The following MACO1 variants were observed in gnomAD, a reference collection of about 807,000 sequenced individuals.
MACO1 encodes macoilin 1, also known as macoilin.
In MACO1, 14 loss-of-function variants were observed where a neutral mutation model predicts 78.7. The observed-to-expected ratio is 0.18, with a 90% CI of 0.12 to 0.28. The LOEUF (loss-of-function observed/expected upper bound fraction) is 0.28. MACO1 is among the 10% of genes least tolerant of loss of function. MACO1 has a pLI of 1.00. For missense variants in MACO1, 501 were observed against 799.0 expected, an observed-to-expected ratio of 0.63 and a Z score of 4.50; for synonymous variants, 288 against 291.6, an observed-to-expected ratio of 0.99 and a Z score of 0.12.
chr1:25,458,640 A>G lies in MACO1; in HGVS notation c.902A>G (p.Asp301Gly), dbSNP rs760268186. 1.1e-5 allele frequency: 17 copies of G among 1,614,016 alleles called. No individual in the cohort carries two copies. Among genetic ancestry groups the G allele is most frequent in the Non-Finnish European group, 1.4e-5 (16 of 1,180,020 alleles). ...ATCAATAGTAAAAGATTAAATAATGATCTTGTGGGAAGTACAGAAAATCTC... is the reference window on the plus strand; with the variant it reads ...ATCAATAGTAAAAGATTAAATAATGGTCTTGTGGGAAGTACAGAAAATCTC... ...NHINSKRLNN[D>G]LVGSTENLLK... Residue 301 changes from aspartate to glycine, a missense_variant, in exon 6 of 11, where the codon GAT becomes GGT. Transcript: ENST00000374343.
At chr1:25,474,906 G>C (rs77584888) in intron 6 of MACO1, among the ~76,000 whole-genome samples, 2,345 of 152,302 alleles carry the variant, frequency 0.015, 60 homozygotes, top group African/African-American at 0.053. Flanking sequence ...CTCTCCTGCA[G>C]TCAGTGTTGT....
chr1:25,465,732 T>C (rs2043213645), intron 6 of MACO1, among the ~76,000 whole-genome samples: 1 of 152,236 alleles, frequency 6.6e-6, no homozygotes. Context: ...ACATTTTACC[T>C]GTTAACCAAC....
At chr1:25,432,651 A>T (rs1316345095) in intron 1 of MACO1, among the ~76,000 whole-genome samples, 1 of 152,252 alleles carries the variant, frequency 6.6e-6, no homozygotes, top group African/African-American at 2.4e-5. Context: ...TGAATTAAAG[A>T]AAGTTTTTCC....
Position 25,498,390 on chromosome 1 carries a change from A to G in MACO1, c.1919A>G (p.Tyr640Cys), listed in dbSNP as rs1275368078. The G allele has an allele frequency of 6.2e-7, 1 of 1,612,746 alleles. No homozygotes were observed. Among genetic ancestry groups the G allele is most frequent in the Non-Finnish European group, 8.5e-7 (1 of 1,179,710 alleles). Residue 640 changes from tyrosine to cysteine, a missense_variant, in exon 11 of 11, where the codon TAC becomes TGC. By Grantham distance (194) the Tyr-to-Cys change is radical. Coordinates refer to ENST00000374343, the MANE Select transcript of MACO1 (RefSeq NM_018202.6). Reference sequence around the variant, plus strand: ...CCCCTGAGCCCTGTTTCCCCCCACTACTCTTCCAAATTTGTGGAGACCAGC... The same window carrying G: ...CCCCTGAGCCCTGTTTCCCCCCACTGCTCTTCCAAATTTGTGGAGACCAGC... ...TSPLSPVSPH[Y>C]SSKFVETSPS... is the part of the protein sequence containing the mutation.
At chr1:25,468,842 G>GT (rs1442509674) in intron 6 of MACO1, among the ~76,000 whole-genome samples, 1 of 151,936 alleles carries the variant, frequency 6.6e-6, no homozygotes, top group African/African-American at 2.4e-5. Flanking sequence ...GTGTTTTTTG[G>GT]TTTTTTTGTT....
chr1:25,437,559 A>G (rs775923803), intron 1 of MACO1, among the ~76,000 whole-genome samples: 1 of 152,176 alleles, frequency 6.6e-6, no homozygotes, highest in Non-Finnish European at 1.5e-5. Context: ...TACTATGTTC[A>G]TGTCCAAAGT....
chr1:25,493,470 G>A (rs1032995786), intron 10 of MACO1, among the ~76,000 whole-genome samples: 1 of 151,044 alleles, frequency 6.6e-6, no homozygotes, highest in Non-Finnish European at 1.5e-5. Flanking sequence ...GGCTGACCTC[G>A]AACTCCTGGG....
At chr1:25,487,914 A>G (rs1197223272) in intron 8 of MACO1, among the ~76,000 whole-genome samples, 2 of 152,146 alleles carry the variant, frequency 1.3e-5, no homozygotes, top group Admixed American at 6.5e-5. Context: ...TTGAACTAGT[A>G]TTTTATCTAT....
intron 6 of MACO1, among the ~76,000 whole-genome samples, chr1:25,462,420 A>C (rs919749520): frequency 3.3e-5 from 5 of 152,038 alleles, no homozygotes; most frequent in Non-Finnish European, 7.4e-5. Flanking sequence ...CATAGTACCC[A>C]ATAGGAAGGT....
At chr1:25,463,440 A>G (rs983882418) in intron 6 of MACO1, among the ~76,000 whole-genome samples, 1 of 152,242 alleles carries the variant, frequency 6.6e-6, no homozygotes, top group Admixed American at 6.5e-5. Flanking sequence ...TTTTAGAAAC[A>G]TATACCTTAC....
chr1:25,480,297 CTT>C (rs1557672983), intron 6 of MACO1, among the ~76,000 whole-genome samples: 1 of 152,168 alleles, frequency 6.6e-6, no homozygotes. Context: ...AGCAGTGTTT[CTT>C]AAACTGGGAA....
rs191108224 is a variant in MACO1 at position 25,449,707 on chromosome 1, G to T, written c.349+773G>T. ...CTTTCCCAGAAAAATATAAGGGAAT[G>T]TATAAAACTTTTCCTTAAAATGTCA... is the stretch of plus-strand genomic sequence containing the variant. On this transcript the variant is annotated intron_variant, in intron 3 of 10. Transcript: ENST00000374343. 2.0e-5 allele frequency among the ~76,000 whole-genome samples: 3 copies of T among 152,226 alleles called. No homozygotes were observed. In the East Asian group the frequency reaches 5.8e-4, roughly 29 times the overall value.
At chr1:25,474,294 A>G (rs2043300494) in intron 6 of MACO1, among the ~76,000 whole-genome samples, 1 of 152,152 alleles carries the variant, frequency 6.6e-6, no homozygotes, top group Non-Finnish European at 1.5e-5. Context: ...AAACATGTTT[A>G]TGGGCTATAT....
chr1:25,430,958 TC>T lies in MACO1; in HGVS notation c.-135del. On this transcript the variant is annotated 5_prime_UTR_variant, in exon 1 of 11. Transcript: ENST00000374343. ...AGCCCCCCCTCCCCGTGCTACCCCC[TC>T]CCCCCGGGTGCTGGCTCCATGTCTG... 7 of 176,872 alleles carry T rather than the reference TC, an allele frequency of 4.0e-5. No individual in the cohort carries two copies. The highest frequency in any genetic ancestry group is 5.7e-5 in the Non-Finnish European group (5 of 87,474). The allele number at this position is 176,872 out of a possible 1,614,324, so 11.0% of individuals were successfully genotyped here.
At chr1:25,480,554 G>T (rs1368375471) in intron 6 of MACO1, among the ~76,000 whole-genome samples, 2 of 152,024 alleles carry the variant, frequency 1.3e-5, no homozygotes, top group Non-Finnish European at 2.9e-5. Context: ...ACACATTCCT[G>T]TAACCACTTC....
intron 4 of MACO1, 86 bp downstream of exon 4, chr1:25,454,468 G>GTATA (rs1331624529): frequency 3.9e-5 from 6 of 153,048 alleles, no homozygotes; most frequent in African/African-American, 9.3e-5. Context: ...GTGTGTGTGT[G>GTATA]TGTATATATA....
chr1:25,486,589 G>A (rs902429781), intron 8 of MACO1, among the ~76,000 whole-genome samples: 2 of 152,030 alleles, frequency 1.3e-5, no homozygotes, highest in East Asian at 3.8e-4. Context: ...TTGTATCTAC[G>A]TGGTATAATT....
intron 6 of MACO1, among the ~76,000 whole-genome samples, chr1:25,460,406 G>C (rs1447994353): frequency 7.1e-6 from 1 of 140,186 alleles, no homozygotes; most frequent in African/African-American, 2.6e-5. Flanking sequence ...TCCTACACAT[G>C]TTTTTTTTTT....
intron 6 of MACO1, among the ~76,000 whole-genome samples, chr1:25,463,266 C>G (rs1489048769): frequency 1.3e-5 from 2 of 152,068 alleles, no homozygotes; most frequent in Non-Finnish European, 2.9e-5. Context: ...CTCTGCTTTA[C>G]AAGGAAATAC....
Sources: gnomAD v4.1 joint callset for allele counts (sites outside exome capture counted in the v4.1 genomes callset) on GRCh38, gnomAD v4.1.1 for gene constraint, MANE v1.5 for transcripts, NCBI Gene and HGNC (gene_info 2026-07-23, HGNC 2026-07-21) for gene names.